GRM7: variants seen among roughly 807,000 people sequenced by gnomAD.
The protein encoded by GRM7 is glutamate metabotropic receptor 7, also known as metabotropic glutamate receptor 7.
In GRM7, 35 loss-of-function variants were observed where a neutral mutation model predicts 84.5. The observed-to-expected ratio is 0.41, with a 90% CI of 0.32 to 0.55. GRM7 has a LOEUF of 0.55. Ranked by LOEUF, GRM7 falls within the 20% of genes least tolerant of loss-of-function variation. The pLI is 0.19. For synonymous variants in GRM7, 487 were observed against 455.1 expected (o/e 1.07, Z -0.89); for missense variants, 1,003 against 1,194.6 (o/e 0.84, Z 2.36).
chr3:7,129,627 T>G (rs1361598440), intron 1 of GRM7, among the ~76,000 whole-genome samples: 1 of 152,088 alleles, frequency 6.6e-6, no homozygotes, highest in Admixed American at 6.6e-5. Flanking sequence ...CCATATCCCC[T>G]TTCTTACTGC....
Position 7,374,122 on chromosome 3 carries a change from CCAAG to C in GRM7, c.1034-40900_1034-40897del, listed in dbSNP as rs992981604. Among the ~76,000 whole-genome samples, 12 of 152,048 alleles carry C rather than the reference CCAAG, an allele frequency of 7.9e-5. 1 individual carries two copies. The highest frequency in any genetic ancestry group is 5.9e-4 in the Admixed American group (9 of 15,258). On this transcript the variant is annotated intron_variant, in intron 4 of 9. Coordinates refer to ENST00000357716, the MANE Select transcript of GRM7 (RefSeq NM_000844.4). ...CCTCAGTTTCCACACAAAACAAAGT[CCAAG>C]TAACAAAACTTACTTGCATGAAATA...
intron 4 of GRM7, among the ~76,000 whole-genome samples, chr3:7,370,740 A>T (rs139577742): frequency 2.0e-5 from 3 of 152,146 alleles, no homozygotes; most frequent in African/African-American, 7.2e-5. Flanking sequence ...ACCCTCCCTC[A>T]TAGAAGAAAT....
At chr3:7,270,255 A>C (rs1394549788) in intron 2 of GRM7, among the ~76,000 whole-genome samples, 1 of 47,000 alleles carries the variant, frequency 2.1e-5, no homozygotes, top group African/African-American at 5.7e-5. Context: ...TGATCTGTGC[A>C]CTTATAATTA....
At chr3:6,949,436 G>C (rs1262509809) in intron 1 of GRM7, among the ~76,000 whole-genome samples, 2 of 152,138 alleles carry the variant, frequency 1.3e-5, no homozygotes, top group African/African-American at 4.8e-5. Context: ...CTGTTAGTCT[G>C]ATGGGCTTCT....
intron 2 of GRM7, among the ~76,000 whole-genome samples, chr3:7,288,196 T>A (rs530150849): frequency 2.0e-4 from 31 of 152,294 alleles, no homozygotes; most frequent in African/African-American, 7.2e-4. Flanking sequence ...AAGATGTATT[T>A]GTTTCACTGG....
At chr3:7,713,869 G>A (rs1034930940) in intron 9 of GRM7, among the ~76,000 whole-genome samples, 1 of 130,242 alleles carries the variant, frequency 7.7e-6, no homozygotes, top group African/African-American at 2.9e-5. Flanking sequence ...CCCACTCATT[G>A]CCTGGGAAGT....
intron 9 of GRM7, among the ~76,000 whole-genome samples, chr3:7,722,252 T>C (rs1432838459): frequency 2.6e-5 from 4 of 152,232 alleles, no homozygotes; most frequent in East Asian, 3.8e-4. Context: ...ATAGCTAAAA[T>C]ATATTGAGTA....
intron 7 of GRM7, among the ~76,000 whole-genome samples, chr3:7,515,246 C>A (rs565724697): frequency 1.4e-4 from 21 of 147,984 alleles, no homozygotes; most frequent in Admixed American, 1.3e-3. Context: ...AATATTTTCT[C>A]TTAACTCAGT....
chr3:7,418,938 C>A (rs1212005929), intron 5 of GRM7, among the ~76,000 whole-genome samples: 2 of 152,054 alleles, frequency 1.3e-5, no homozygotes, highest in African/African-American at 2.4e-5. Flanking sequence ...AATAGTAAAA[C>A]CTTACATTCA....
intron 7 of GRM7, among the ~76,000 whole-genome samples, chr3:7,576,458 A>G (rs1442827627): frequency 6.6e-6 from 1 of 152,340 alleles, no homozygotes; most frequent in Non-Finnish European, 1.5e-5. Context: ...CTCCTGAGCC[A>G]TTTATTTTTC....
chr3:7,628,774 C>G (rs1286013661), intron 8 of GRM7, among the ~76,000 whole-genome samples: 1 of 152,126 alleles, frequency 6.6e-6, no homozygotes, highest in Non-Finnish European at 1.5e-5. Context: ...CTAGTGAGCT[C>G]CCAGCACTTG....
intron 7 of GRM7, among the ~76,000 whole-genome samples, chr3:7,532,825 A>G (rs1575462077): frequency 7.1e-6 from 1 of 141,548 alleles, no homozygotes; most frequent in African/African-American, 2.6e-5. Flanking sequence ...AAAAAAAAGC[A>G]GGGGTTGCCA....
intron 4 of GRM7, among the ~76,000 whole-genome samples, chr3:7,410,604 C>T (rs1299067798): frequency 1.2e-4 from 16 of 138,642 alleles, no homozygotes; most frequent in African/African-American, 4.8e-4. Context: ...TATATACACA[C>T]ACACACACAC....
chr3:7,088,695 T>TTTTTTTTTTTTTTTTTGAG (rs1553615402), intron 1 of GRM7, among the ~76,000 whole-genome samples: 1 of 141,072 alleles, frequency 7.1e-6, no homozygotes, highest in African/African-American at 2.8e-5. Flanking sequence ...ACTGATTTCT[T>TTTTTTTTTTTTTTTTTGAG]ATTCATCGAA....
chr3:7,722,291 G>A (rs543490980), intron 9 of GRM7, among the ~76,000 whole-genome samples: 10 of 152,262 alleles, frequency 6.6e-5, no homozygotes, highest in African/African-American at 2.2e-4. Flanking sequence ...GTTCTAGTTC[G>A]TTAAATACAG....
At chr3:7,361,578 C>A (rs1277781628) in intron 4 of GRM7, among the ~76,000 whole-genome samples, 1 of 152,032 alleles carries the variant, frequency 6.6e-6, no homozygotes, top group East Asian at 1.9e-4. Context: ...CCGAAGACCC[C>A]CTGTAGATTA....
intron 7 of GRM7, among the ~76,000 whole-genome samples, chr3:7,558,587 C>T (rs1388258089): frequency 6.6e-6 from 1 of 152,032 alleles, no homozygotes; most frequent in Non-Finnish European, 1.5e-5. Flanking sequence ...GACCTAGGCC[C>T]ATGCCAATTT....
At chr3:7,388,526 T>C (rs1005602797) in intron 4 of GRM7, among the ~76,000 whole-genome samples, 2 of 152,166 alleles carry the variant, frequency 1.3e-5, no homozygotes, top group Non-Finnish European at 1.5e-5. Flanking sequence ...GTACCAATTC[T>C]TCTATGGACA....
At chr3:6,938,148 T>G (rs1697754442) in intron 1 of GRM7, among the ~76,000 whole-genome samples, 1 of 152,172 alleles carries the variant, frequency 6.6e-6, no homozygotes, top group Non-Finnish European at 1.5e-5. Flanking sequence ...AAACAATGGA[T>G]TATGGATTAT....
Sources: gnomAD v4.1 joint callset for allele counts (sites outside exome capture counted in the v4.1 genomes callset) on GRCh38, gnomAD v4.1.1 for gene constraint, MANE v1.5 for transcripts, NCBI Gene and HGNC (gene_info 2026-07-23, HGNC 2026-07-21) for gene names.